Variants in ANKRD12 observed in about 807,000 individuals in gnomAD.
ANKRD12 encodes the protein ankyrin repeat domain 12.
Under a neutral mutation model 183.4 loss-of-function variants are expected in ANKRD12, and 85 were observed. The ratio of observed to expected loss-of-function variants is 0.46; its 90% CI spans 0.39 to 0.56. The LOEUF (loss-of-function observed/expected upper bound fraction) is 0.56. ANKRD12 is among the 20% of genes least tolerant of loss of function. The pLI is 0.00. For missense variants in ANKRD12, 2,405 were observed against 2,357.1 expected, an observed-to-expected ratio of 1.02 and a Z score of -0.42; for synonymous variants, 914 against 800.2, an observed-to-expected ratio of 1.14 and a Z score of -2.40.
At chr18:9,233,701 CTG>C (rs1238099409) in intron 8 of ANKRD12, among the ~76,000 whole-genome samples, 8 of 152,148 alleles carry the variant, frequency 5.3e-5, no homozygotes, top group Non-Finnish European at 1.2e-4. Context: ...TCATTGGTAT[CTG>C]TGATTTACTT....
intron 8 of ANKRD12, among the ~76,000 whole-genome samples, chr18:9,243,723 T>C (rs1470567311): frequency 6.6e-6 from 1 of 152,166 alleles, no homozygotes; most frequent in Non-Finnish European, 1.5e-5. Flanking sequence ...TGATGACATA[T>C]GAAGAATGTG....
intron 10 of ANKRD12, among the ~76,000 whole-genome samples, chr18:9,267,305 C>A (rs1357951518): frequency 6.6e-6 from 1 of 152,180 alleles, no homozygotes; most frequent in Non-Finnish European, 1.5e-5. Flanking sequence ...CACCCCAAAT[C>A]AACAGAATAT....
intron 1 of ANKRD12, among the ~76,000 whole-genome samples, chr18:9,163,827 C>G (rs1434829748): frequency 2.0e-5 from 3 of 152,012 alleles, no homozygotes; most frequent in African/African-American, 4.8e-5. Context: ...TTGCGCTCTG[C>G]TTGCCTGTTG....
chr18:9,211,136 C>T (rs2035780730), intron 5 of ANKRD12, among the ~76,000 whole-genome samples: 1 of 151,974 alleles, frequency 6.6e-6, no homozygotes, highest in South Asian at 2.1e-4. Context: ...ATAGTAAAAT[C>T]GTTATGACCT....
At chr18:9,146,317 A>C (rs2078491783) in intron 1 of ANKRD12, among the ~76,000 whole-genome samples, 1 of 152,004 alleles carries the variant, frequency 6.6e-6, no homozygotes, top group African/African-American at 2.4e-5. Flanking sequence ...AATTCCAGCT[A>C]CTCCAGGAGG....
chr18:9,274,996 A>G (rs540917738), intron 10 of ANKRD12, among the ~76,000 whole-genome samples: 33 of 152,284 alleles, frequency 2.2e-4, no homozygotes, highest in African/African-American at 7.7e-4. Context: ...CAGCCTGGGC[A>G]ACATAGTGAG....
intron 3 of ANKRD12, among the ~76,000 whole-genome samples, chr18:9,203,615 A>T (rs149836367): frequency 2.2e-3 from 329 of 151,468 alleles, no homozygotes; most frequent in African/African-American, 7.5e-3. Context: ...TATTATTATT[A>T]TTTTTTAAAT....
intron 10 of ANKRD12, among the ~76,000 whole-genome samples, chr18:9,273,784 G>A (rs1175672788): frequency 6.6e-6 from 1 of 152,170 alleles, no homozygotes; most frequent in Non-Finnish European, 1.5e-5. Context: ...GGGCCTTAAG[G>A]TCACCTTAGC....
chr18:9,178,237 G>C (rs1188860838), intron 1 of ANKRD12, among the ~76,000 whole-genome samples: 15 of 152,110 alleles, frequency 9.9e-5, no homozygotes, highest in Admixed American at 9.8e-4. Flanking sequence ...TCTGCTAGAA[G>C]TGGTGTAGTT....
rs1157791572 is a variant in ANKRD12 at position 9,254,890 on chromosome 18, T to C, written c.1623T>C (p.Gly541=). Residue 541 remains glycine (G), a synonymous_variant, in exon 9 of 13, where the codon GGT becomes GGC. Coordinates refer to ENST00000262126, the MANE Select transcript of ANKRD12 (RefSeq NM_015208.5). ...TSLHLFHIST[G]KSPKHSCGLS... Reference sequence around the variant, plus strand: ...TACATTTATTTCATATTTCCACTGGTAAATCTCCCAAACATTCTTGTGGAT... The same window carrying C: ...TACATTTATTTCATATTTCCACTGGCAAATCTCCCAAACATTCTTGTGGAT... 6.5e-7 allele frequency: 1 copy of C among 1,549,138 alleles called. No homozygotes were observed. Among genetic ancestry groups the C allele is most frequent in the African/African-American group, 1.4e-5 (1 of 72,186 alleles).
At chr18:9,230,655 C>CTTTTTTT (rs113527070) in intron 8 of ANKRD12, among the ~76,000 whole-genome samples, 4 of 145,720 alleles carry the variant, frequency 2.7e-5, no homozygotes, top group African/African-American at 2.5e-5. Flanking sequence ...CTACTTTCTT[C>CTTTTTTT]TTTTTTTTTT....
In ANKRD12 at chr18:9,256,315, A is replaced by G. The variant is rs1555635450; in HGVS notation, c.3048A>G (p.Glu1016=). 6.3e-7 allele frequency: 1 copy of G among 1,589,478 alleles called. No individual in the cohort carries two copies. The highest frequency in any genetic ancestry group is 1.2e-5 in the South Asian group (1 of 86,364). ...DEPLKTPDGK[E]KDKKDKDIDR... ...CTTTGAAAACTCCAGATGGAAAAGA[A>G]AAAGATAAAAAAGATAAAGATATAG... The change falls in exon 9 of 13, where the codon GAA becomes GAG. Residue 1016 remains glutamate, a synonymous_variant. Coordinates refer to ENST00000262126, the MANE Select transcript of ANKRD12 (RefSeq NM_015208.5).
chr18:9,212,250 AT>A (rs567300268), intron 6 of ANKRD12, among the ~76,000 whole-genome samples: 2 of 151,956 alleles, frequency 1.3e-5, no homozygotes, highest in South Asian at 4.1e-4. Context: ...CAATTCAAAA[AT>A]TTTCTTTAAT....
At chr18:9,273,001 T>G (rs951003062) in intron 10 of ANKRD12, among the ~76,000 whole-genome samples, 1 of 152,064 alleles carries the variant, frequency 6.6e-6, no homozygotes, top group Non-Finnish European at 1.5e-5. Flanking sequence ...CTAGGCACAT[T>G]CTTTGTATTC....
chr18:9,160,650 A>G (rs2031279718), intron 1 of ANKRD12, among the ~76,000 whole-genome samples: 1 of 152,234 alleles, frequency 6.6e-6, no homozygotes, highest in Admixed American at 6.5e-5. Context: ...AAATGAAGCT[A>G]GGGATCTGTA....
intron 1 of ANKRD12, among the ~76,000 whole-genome samples, chr18:9,148,333 C>CAT (rs142724036): frequency 0.074 from 11,297 of 151,970 alleles, 452 homozygotes; most frequent in Non-Finnish European, 0.089. Flanking sequence ...TACACACACA[C>CAT]GTATGTATGT....
chr18:9,143,586 G>C (rs532606610), intron 1 of ANKRD12, among the ~76,000 whole-genome samples: 3 of 152,158 alleles, frequency 2.0e-5, no homozygotes, highest in Admixed American at 2.0e-4. Context: ...CCAGCTCCCC[G>C]AGGAGCTGGG....
At chr18:9,234,078 T>C (rs1365121466) in intron 8 of ANKRD12, among the ~76,000 whole-genome samples, 2 of 151,956 alleles carry the variant, frequency 1.3e-5, no homozygotes, top group Non-Finnish European at 2.9e-5. Flanking sequence ...GACACAACTC[T>C]CAGGCTTTCT....
In ANKRD12 at chr18:9,258,346, A is replaced by G. The variant is rs1402912794; in HGVS notation, c.5079A>G (p.Ser1693=). ...EDEESQQSIL[S]SLENHSQQST... is the part of the protein sequence containing the mutation. Reference sequence around the variant, plus strand: ...AGGAATCTCAACAAAGCATTTTATCAAGTCTGGAAAACCATTCACAGCAGT... The same window carrying G: ...AGGAATCTCAACAAAGCATTTTATCGAGTCTGGAAAACCATTCACAGCAGT... Residue 1693 remains serine, a synonymous_variant, in exon 9 of 13, where the codon TCA becomes TCG. Transcript: ENST00000262126. 6.2e-7 allele frequency: 1 copy of G among 1,613,784 alleles called. No homozygotes were observed.
Sources: allele counts gnomAD v4.1 joint callset (sites outside exome capture counted in the v4.1 genomes callset), GRCh38; gene constraint gnomAD v4.1.1; transcripts MANE v1.5; gene names NCBI Gene and HGNC (gene_info 2026-07-23, HGNC 2026-07-21).